The following BANK1 variants were observed in gnomAD, a reference collection of about 807,000 sequenced individuals.
The protein encoded by BANK1 is B-cell scaffold protein with ankyrin repeats.
A neutral mutation model predicts 94.5 loss-of-function variants in BANK1; 95 were observed. The observed-to-expected ratio is 1.00, with a 90% confidence interval of 0.85 to 1.19. BANK1 has a LOEUF of 1.19. Among genes scored for constraint, BANK1 ranks in the 50% most tolerant of loss-of-function variants. The pLI is 0.00. For synonymous variants in BANK1, 334 were observed against 308.4 expected (o/e 1.08, Z -0.87); for missense variants, 987 against 932.2 (o/e 1.06, Z -0.77).
At chr4:101,867,649 G>A (rs1201819141) in intron 4 of BANK1, among the ~76,000 whole-genome samples, 1 of 151,624 alleles carries the variant, frequency 6.6e-6, no homozygotes, top group East Asian at 1.9e-4. Context: ...GAGGGACTTA[G>A]GTTTGTTAAA....
intron 6 of BANK1, among the ~76,000 whole-genome samples, chr4:101,896,887 G>C (rs933594223): frequency 6.6e-6 from 1 of 151,916 alleles, no homozygotes; most frequent in African/African-American, 2.4e-5. Flanking sequence ...TCCAAAGATA[G>C]ATAATTGATT....
chr4:102,073,769 A>G, intron 16 of BANK1, 21 bp downstream of exon 16: 1 of 1,581,364 alleles, frequency 6.3e-7, no homozygotes, highest in African/African-American at 1.4e-5. Flanking sequence ...AGCTGTGTAT[A>G]TTTTTTAGAA....
intron 7 of BANK1, among the ~76,000 whole-genome samples, chr4:102,011,120 T>C (rs1278873096): frequency 1.3e-5 from 2 of 152,196 alleles, no homozygotes; most frequent in Non-Finnish European, 2.9e-5. Context: ...ATCAAATGCC[T>C]CCACCTTACC....
intron 5 of BANK1, among the ~76,000 whole-genome samples, chr4:101,884,121 A>G (rs1374046280): frequency 6.6e-6 from 1 of 152,254 alleles, no homozygotes; most frequent in Admixed American, 6.5e-5. Flanking sequence ...AATAAGTAAA[A>G]GAAGTATTTG....
chr4:101,830,062 A>T lies in BANK1; in HGVS notation c.325A>T (p.Lys109Ter). 1 of 1,613,938 alleles carries T rather than the reference A, an allele frequency of 6.2e-7. No homozygotes were observed. Among genetic ancestry groups the T allele is most frequent in the African/African-American group, 1.3e-5 (1 of 75,034 alleles). The stretch of plus-strand genomic sequence containing the variant: ...TCTGGAAAAGATACTTCATTCACCA[A>T]AAAGTGTAGTTACTTTGCTTTGTGG... ...QFLEKILHSPKSVVTLLCGVK... is the reference protein window; with the variant it reads ...QFLEKILHSP The change falls in exon 2 of 17, where the codon AAA becomes TAA. Residue 109 changes from lysine (K) to a stop codon, truncating the protein, a stop_gained. Transcript: ENST00000322953. LOFTEE classifies it high-confidence loss of function.
At chr4:101,810,211 T>C (rs1725693284) in intron 1 of BANK1, among the ~76,000 whole-genome samples, 2 of 152,156 alleles carry the variant, frequency 1.3e-5, no homozygotes, top group African/African-American at 4.8e-5. Context: ...CCTATAGAAA[T>C]AATGTAGCCC....
In BANK1 at chr4:101,886,389, G is replaced by T. The variant is rs145396800; in HGVS notation, c.904-8916G>T. ...GAAAGAATCAAATGAATATAAACAA[G>T]ATGGATTCTGTCACATAACTTGGAA... On this transcript the variant is annotated intron_variant, in intron 5 of 16. Transcript: ENST00000322953. Among the ~76,000 whole-genome samples, 915 of 152,254 alleles carry T rather than the reference G, an allele frequency of 6.0e-3. 13 individuals carry two copies. The highest frequency in any genetic ancestry group is 0.021 in the African/African-American group (854 of 41,556).
chr4:101,828,167 T>G (rs1423016439), intron 1 of BANK1, among the ~76,000 whole-genome samples: 1 of 151,728 alleles, frequency 6.6e-6, no homozygotes, highest in Non-Finnish European at 1.5e-5. Flanking sequence ...TGCAAAATAT[T>G]GAAATGTACC....
At chr4:101,852,316 A>C (rs2148872909) in intron 2 of BANK1, among the ~76,000 whole-genome samples, 1 of 151,372 alleles carries the variant, frequency 6.6e-6, no homozygotes, top group African/African-American at 2.4e-5. Context: ...TACATAATTT[A>C]AACCTGTAAA....
Position 101,830,177 on chromosome 4 carries a change from T to G in BANK1, c.440T>G (p.Ile147Ser). 1.9e-6 allele frequency: 3 copies of G among 1,574,372 alleles called. No homozygotes were observed. Among genetic ancestry groups the G allele is most frequent in the Non-Finnish European group, 2.6e-6 (3 of 1,164,442 alleles). ...ISTEQEPEDY[I>S]SVIQSIIFKD... ...ACTGAACAGGAACCTGAAGACTACA[T>G]CTCTGTAATCCAGAGTATCATATTC... The change falls in exon 2 of 17, where the codon ATC becomes AGC. Residue 147 changes from isoleucine to serine, a missense_variant. Physicochemically the swap from Ile to Ser is moderately radical, Grantham distance 142. Transcript: ENST00000322953.
intron 7 of BANK1, among the ~76,000 whole-genome samples, chr4:101,951,709 G>T (rs1203987885): frequency 6.6e-6 from 1 of 151,904 alleles, no homozygotes; most frequent in Non-Finnish European, 1.5e-5. Context: ...TTTTTGCTCT[G>T]ATAAACCCAA....
intron 7 of BANK1, among the ~76,000 whole-genome samples, chr4:102,010,051 A>G (rs141958301): frequency 0.11 from 15,993 of 152,082 alleles, 990 homozygotes; most frequent in African/African-American, 0.15. Flanking sequence ...CAGATCACGA[A>G]GTCAGGAGAT....
intron 1 of BANK1, among the ~76,000 whole-genome samples, chr4:101,818,162 T>C (rs904258660): frequency 6.6e-6 from 1 of 152,222 alleles, no homozygotes; most frequent in Non-Finnish European, 1.5e-5. Context: ...TTTATACAGA[T>C]GTTATTATGA....
intron 2 of BANK1, among the ~76,000 whole-genome samples, chr4:101,837,788 TA>T (rs1726885151): frequency 1.3e-5 from 2 of 152,192 alleles, no homozygotes; most frequent in African/African-American, 4.8e-5. Flanking sequence ...ATGATTTATT[TA>T]TTGCTAATAA....
intron 2 of BANK1, among the ~76,000 whole-genome samples, chr4:101,843,744 A>G (rs1409096247): frequency 6.6e-6 from 1 of 151,770 alleles, no homozygotes; most frequent in African/African-American, 2.4e-5. Context: ...GTGAAACCCC[A>G]TCTCTACTAA....
chr4:102,026,781 C>T (rs921427401), intron 9 of BANK1, among the ~76,000 whole-genome samples: 2 of 149,132 alleles, frequency 1.3e-5, no homozygotes, highest in African/African-American at 2.5e-5. Flanking sequence ...AAGATCATGC[C>T]GCTGCACCCC....
chr4:102,043,399 A>G (rs1268146810), intron 10 of BANK1, among the ~76,000 whole-genome samples: 4 of 152,108 alleles, frequency 2.6e-5, no homozygotes, highest in African/African-American at 7.2e-5. Context: ...TTATTATTAC[A>G]TCTCTGAAAT....
At chr4:102,070,561 A>G (rs72688507) in intron 13 of BANK1, among the ~76,000 whole-genome samples, 5 of 152,318 alleles carry the variant, frequency 3.3e-5, no homozygotes, top group Non-Finnish European at 7.4e-5. Flanking sequence ...CCTGTGATCA[A>G]TTATCACTTT....
At chr4:102,072,858 A>G (rs555536241) in intron 15 of BANK1, among the ~76,000 whole-genome samples, 1 of 152,296 alleles carries the variant, frequency 6.6e-6, no homozygotes, top group South Asian at 2.1e-4. Context: ...GAAGCTAATG[A>G]TAACACTAAG....
Sources: allele counts gnomAD v4.1 joint callset (sites outside exome capture counted in the v4.1 genomes callset), GRCh38; gene constraint gnomAD v4.1.1; transcripts MANE v1.5; gene names NCBI Gene and HGNC (gene_info 2026-07-23, HGNC 2026-07-21).